Variants in SPRED1 observed in about 807,000 individuals in gnomAD.
SPRED1 encodes sprouty-related, EVH1 domain-containing protein 1.
In SPRED1, 18 loss-of-function variants were observed where a neutral mutation model predicts 52.3. The ratio of observed to expected loss-of-function variants is 0.34; its 90% CI spans 0.24 to 0.51. SPRED1 has a LOEUF of 0.51. SPRED1 is among the 20% of genes least tolerant of loss of function. The pLI is 0.97. For synonymous variants in SPRED1, 155 were observed against 179.7 expected (o/e 0.86, Z 1.10); for missense variants, 485 against 551.0 (o/e 0.88, Z 1.20).
chr15:38,300,074 T>G (rs534383321), intron 2 of SPRED1, among the ~76,000 whole-genome samples: 1 of 152,332 alleles, frequency 6.6e-6, no homozygotes, highest in South Asian at 2.1e-4. Context: ...AATTCCCTTA[T>G]TTTCTAGTCT....
In SPRED1 at chr15:38,354,962, C is replaced by G. The variant is rs1888580649; in HGVS notation, c.*3298C>G. On this transcript the variant is annotated 3_prime_UTR_variant, in exon 7 of 7. Transcript: ENST00000299084. ...AGAGAGTGTGTGTGTACGTTTTTCT[C>G]TCTTTTATTTGAGACGGAGTTTCAC... 6.6e-6 allele frequency: 1 copy of G among 152,324 alleles called. No individual in the cohort carries two copies. The highest frequency in any genetic ancestry group is 6.5e-5 in the Admixed American group (1 of 15,270). The allele number at this position is 152,324 out of a possible 1,614,324, so 9.4% of individuals were successfully genotyped here.
At chr15:38,268,044 T>C (rs1236878916) in intron 1 of SPRED1, 2 of 152,230 alleles carry the variant, frequency 1.3e-5, no homozygotes, top group Non-Finnish European at 2.9e-5. Flanking sequence ...TGAGTTAGTT[T>C]ACTGGATTTA....
intron 2 of SPRED1, among the ~76,000 whole-genome samples, chr15:38,319,285 T>G (rs577211338): frequency 1.3e-5 from 2 of 152,350 alleles, no homozygotes; most frequent in South Asian, 4.1e-4. Context: ...GAATTGTTGT[T>G]GTTGTTGCAA....
chr15:38,329,621 G>T (rs990593960), intron 4 of SPRED1, among the ~76,000 whole-genome samples: 5 of 152,006 alleles, frequency 3.3e-5, no homozygotes, highest in African/African-American at 1.2e-4. Context: ...AAAATTCTCT[G>T]TATAACTTTT....
intron 4 of SPRED1, among the ~76,000 whole-genome samples, chr15:38,334,889 G>A (rs957784481): frequency 2.0e-5 from 1 of 50,022 alleles, no homozygotes; most frequent in African/African-American, 4.2e-5. Context: ...CAAAAAGTAC[G>A]GATTTTTTTT....
intron 1 of SPRED1, among the ~76,000 whole-genome samples, chr15:38,259,461 G>T (rs12915638): frequency 0.82 from 124,975 of 151,766 alleles, 52,244 homozygotes; most frequent in Non-Finnish European, 0.9. Flanking sequence ...GCCCAGGCTG[G>T]TCTCAAATTC....
intron 1 of SPRED1, among the ~76,000 whole-genome samples, chr15:38,294,871 A>G (rs1310000277): frequency 5.3e-5 from 8 of 152,200 alleles, no homozygotes; most frequent in African/African-American, 1.7e-4. Flanking sequence ...AAGAAAATAT[A>G]TATGTGGCAA....
rs1188724149 is a variant in SPRED1 at position 38,352,213 on chromosome 15, T to C, written c.*549T>C. 1 of 154,702 alleles carries C rather than the reference T, an allele frequency of 6.5e-6. No homozygotes were observed. Among genetic ancestry groups the C allele is most frequent in the East Asian group, 1.9e-4 (1 of 5,210 alleles). 9.6% of individuals were successfully genotyped at this position (154,702 alleles called of 1,614,324 possible). On this transcript the variant is annotated 3_prime_UTR_variant, in exon 7 of 7. Transcript: ENST00000299084. ...AGGTACGAATTATTACATATTAAACTTTTCTTCCCCTTCCTAGTTCTGAAG... is the reference window on the plus strand; with the variant it reads ...AGGTACGAATTATTACATATTAAACCTTTCTTCCCCTTCCTAGTTCTGAAG...
intron 3 of SPRED1, among the ~76,000 whole-genome samples, chr15:38,324,554 A>G (rs550756242): frequency 6.6e-6 from 1 of 152,268 alleles, no homozygotes; most frequent in East Asian, 1.9e-4. Flanking sequence ...GCAGCTGGAA[A>G]TTTACCTATA....
chr15:38,341,484 A>G (rs1430537925), intron 5 of SPRED1, among the ~76,000 whole-genome samples: 1 of 151,468 alleles, frequency 6.6e-6, no homozygotes, highest in Non-Finnish European at 1.5e-5. Flanking sequence ...TCCTCTATCC[A>G]CATTTTACAA....
Position 38,324,184 on chromosome 15 carries a change from C to G in SPRED1, c.377-579C>G, listed in dbSNP as rs79423574. Among the ~76,000 whole-genome samples, 132 of 152,230 alleles carry G rather than the reference C, an allele frequency of 8.7e-4. 1 individual carries two copies. In the East Asian group the frequency reaches 0.024, roughly 28 times the overall value. On this transcript the variant is annotated intron_variant, in intron 3 of 6. Coordinates refer to ENST00000299084, the MANE Select transcript of SPRED1 (RefSeq NM_152594.3). ...TCAAGGGTAGCATGAACTAAGAGTA[C>G]TTTGCTAGGACAAATCCTTTCTTAT...
chr15:38,328,868 C>T (rs1895759453), intron 4 of SPRED1, among the ~76,000 whole-genome samples: 1 of 151,970 alleles, frequency 6.6e-6, no homozygotes, highest in African/African-American at 2.4e-5. Flanking sequence ...CACGTACCAC[C>T]ACTCGCGGCT....
At chr15:38,325,569 A>G (rs1465785251) in intron 4 of SPRED1, among the ~76,000 whole-genome samples, 5 of 151,986 alleles carry the variant, frequency 3.3e-5, no homozygotes, top group Non-Finnish European at 5.9e-5. Flanking sequence ...GCCGAATTCT[A>G]TTTTCTTCAG....
chr15:38,308,710 T>C (rs1045783484), intron 2 of SPRED1, among the ~76,000 whole-genome samples: 8 of 152,220 alleles, frequency 5.3e-5, no homozygotes, highest in Admixed American at 5.2e-4. Flanking sequence ...GTCTGTGATA[T>C]GTATTTATAT....
intron 1 of SPRED1, among the ~76,000 whole-genome samples, chr15:38,277,296 G>T (rs185026167): frequency 6.6e-6 from 1 of 152,062 alleles, no homozygotes; most frequent in East Asian, 1.9e-4. Context: ...GTAGGCCCTG[G>T]TGTCTGTTCC....
rs1214807910 is a variant in SPRED1, at chr15:38,354,306, T to C, written c.*2642T>C. On this transcript the variant is annotated 3_prime_UTR_variant, in exon 7 of 7. Coordinates refer to ENST00000299084, the MANE Select transcript of SPRED1 (RefSeq NM_152594.3). ...TGCCAATTGGCTTTTCCTCTAAAAC[T>C]TTTCTTTGTTTTTATCTGATATAAG... 6.6e-6 allele frequency: 1 copy of C among 152,222 alleles called. No individual in the cohort carries two copies. The highest frequency in any genetic ancestry group is 1.5e-5 in the Non-Finnish European group (1 of 68,046). 9.4% of individuals were successfully genotyped at this position (152,222 alleles called of 1,614,324 possible). A position where few individuals can be genotyped will look rare whatever the true frequency, so the allele number is the denominator to read the frequency against.
rs910401188 is a variant in SPRED1, at chr15:38,355,658, A to G, written c.*3994A>G. On this transcript the variant is annotated 3_prime_UTR_variant, in exon 7 of 7. Coordinates refer to ENST00000299084, the MANE Select transcript of SPRED1 (RefSeq NM_152594.3). ...ATTGTAGCCCAAAGGTGCATTAAGC[A>G]AGTGTAACATTTTTTCCACATAAAA... 4 of 152,242 alleles carry G rather than the reference A, an allele frequency of 2.6e-5. No individual in the cohort carries two copies. Among genetic ancestry groups the G allele is most frequent in the African/African-American group, 9.6e-5 (4 of 41,474 alleles). 9.4% of individuals were successfully genotyped at this position (152,242 alleles called of 1,614,324 possible).
At chr15:38,322,147 G>A (rs1895614955) in intron 2 of SPRED1, 94 bp from the exon 3 acceptor site, 4 of 1,211,330 alleles carry the variant, frequency 3.3e-6, no homozygotes, top group South Asian at 2.5e-5. Flanking sequence ...TCATTAAAAA[G>A]TAATAGCGTT....
intron 1 of SPRED1, among the ~76,000 whole-genome samples, chr15:38,255,224 G>A (rs1894068909): frequency 6.6e-6 from 1 of 152,126 alleles, no homozygotes; most frequent in Non-Finnish European, 1.5e-5. Context: ...TAATCCCCAA[G>A]ATGTTGATAT....
Sources: allele counts gnomAD v4.1 joint callset (sites outside exome capture counted in the v4.1 genomes callset), GRCh38; gene constraint gnomAD v4.1.1; transcripts MANE v1.5; gene names NCBI Gene and HGNC (gene_info 2026-07-23, HGNC 2026-07-21).